Variants in NCKAP5 observed in about 807,000 individuals in gnomAD.
NCKAP5 encodes NCK associated protein 5, also known as nck-associated protein 5.
NCKAP5 carries 92 observed loss-of-function variants against 167.0 expected under a neutral mutation model. The observed-to-expected ratio is 0.55, with a 90% CI of 0.47 to 0.66. The LOEUF (loss-of-function observed/expected upper bound fraction) is 0.66. Ranked by LOEUF, NCKAP5 falls within the 30% of genes least tolerant of loss-of-function variation. NCKAP5 has a pLI of 0.00. For missense variants in NCKAP5, 2,378 were observed against 2,315.0 expected (o/e 1.03, Z -0.56); for synonymous variants, 891 against 877.4 (o/e 1.02, Z -0.27).
intron 10 of NCKAP5, among the ~76,000 whole-genome samples, chr2:132,866,769 G>C (rs1321335900): frequency 6.6e-6 from 1 of 152,142 alleles, no homozygotes; most frequent in Non-Finnish European, 1.5e-5. Flanking sequence ...TGGTGACTTA[G>C]ATAAATCGCT....
intron 6 of NCKAP5, among the ~76,000 whole-genome samples, chr2:133,038,340 C>G (rs1303903719): frequency 6.6e-6 from 1 of 152,088 alleles, no homozygotes; most frequent in Non-Finnish European, 1.5e-5. Flanking sequence ...AACTGGAGAT[C>G]ATTATATTAG....
At chr2:133,235,389 GTATTGAT>G (rs2087353637) in intron 4 of NCKAP5, among the ~76,000 whole-genome samples, 1 of 152,208 alleles carries the variant, frequency 6.6e-6, no homozygotes, top group South Asian at 2.1e-4. Flanking sequence ...GTTGGTGACT[GTATTGAT>G]TAAAATGGCC....
chr2:133,098,648 A>C (rs1455864019), intron 6 of NCKAP5, among the ~76,000 whole-genome samples: 1 of 152,226 alleles, frequency 6.6e-6, no homozygotes, highest in Non-Finnish European at 1.5e-5. Context: ...TGTAACTAAT[A>C]GCAGATGATG....
At chr2:132,726,109 T>G (rs1690436442) in intron 18 of NCKAP5, among the ~76,000 whole-genome samples, 1 of 152,248 alleles carries the variant, frequency 6.6e-6, no homozygotes, top group Admixed American at 6.5e-5. Context: ...AAGTGCCTAT[T>G]ATGAGCTGCT....
the NCKAP5 span, among the ~76,000 whole-genome samples, chr2:133,656,202 T>C: frequency 6.6e-6 from 1 of 151,944 alleles, no homozygotes; most frequent in Non-Finnish European, 1.5e-5. Context: ...ACCACCAAGC[T>C]ATTTGACCTT....
intron 12 of NCKAP5, among the ~76,000 whole-genome samples, chr2:132,790,602 TCGAACTACC>T (rs1335929726): frequency 2.6e-5 from 4 of 152,312 alleles, no homozygotes; most frequent in Admixed American, 2.6e-4. Flanking sequence ...AAAAATCCTG[TCGAACTACC>T]CTAAGCTGCA....
At chr2:133,278,510 G>T (rs2089819899) in intron 4 of NCKAP5, among the ~76,000 whole-genome samples, 1 of 152,010 alleles carries the variant, frequency 6.6e-6, no homozygotes, top group Admixed American at 6.6e-5. Context: ...GATTACACTG[G>T]ACCCACCTGA....
At chr2:132,863,264 A>G (rs1690076105) in intron 10 of NCKAP5, among the ~76,000 whole-genome samples, 1 of 152,158 alleles carries the variant, frequency 6.6e-6, no homozygotes, top group Non-Finnish European at 1.5e-5. Context: ...CTTGACTGTG[A>G]GGCAGATAAA....
intron 3 of NCKAP5, among the ~76,000 whole-genome samples, chr2:133,325,759 C>T (rs1682392204): frequency 6.6e-6 from 1 of 152,162 alleles, no homozygotes; most frequent in Non-Finnish European, 1.5e-5. Context: ...CAATGATGGG[C>T]ACTGGACCTA....
chr2:133,490,266 C>T (rs1681322448), intron 3 of NCKAP5, among the ~76,000 whole-genome samples: 1 of 152,128 alleles, frequency 6.6e-6, no homozygotes, highest in Non-Finnish European at 1.5e-5. Flanking sequence ...CCCAGCCAGG[C>T]CAAGTGTGGT....
chr2:132,905,464 C>T (rs992845988), intron 8 of NCKAP5, among the ~76,000 whole-genome samples: 1 of 152,086 alleles, frequency 6.6e-6, no homozygotes, highest in East Asian at 1.9e-4. Context: ...ACTATAGAAC[C>T]ATTTCAAATT....
chr2:133,181,560 G>A (rs1043302786), intron 5 of NCKAP5, among the ~76,000 whole-genome samples: 1 of 145,156 alleles, frequency 6.9e-6, no homozygotes, highest in African/African-American at 2.6e-5. Context: ...TGAGCCCAGG[G>A]GTTCAGGGCC....
chr2:133,416,698 C>T (rs1689130424), intron 3 of NCKAP5, among the ~76,000 whole-genome samples: 1 of 152,052 alleles, frequency 6.6e-6, no homozygotes, highest in South Asian at 2.1e-4. Context: ...CTGAAATAGC[C>T]ACCACCTGTG....
chr2:133,235,868 C>G (rs2087385529), intron 4 of NCKAP5, among the ~76,000 whole-genome samples: 1 of 149,744 alleles, frequency 6.7e-6, no homozygotes, highest in Admixed American at 6.7e-5. Context: ...TGTGCCATCG[C>G]ACTCCAGCCT....
chr2:133,241,937 G>C (rs985562153), intron 4 of NCKAP5, among the ~76,000 whole-genome samples: 94 of 152,126 alleles, frequency 6.2e-4, no homozygotes, highest in Non-Finnish European at 1.2e-3. Flanking sequence ...GGCCAACATG[G>C]TAAAACTCCA....
chr2:133,496,544 T>C lies in NCKAP5; in HGVS notation c.69+20914A>G, dbSNP rs145990629. Among the ~76,000 whole-genome samples the C allele has an allele frequency of 7.4e-3, 1,130 of 152,322 alleles. 10 individuals are homozygous for C. Among genetic ancestry groups the C allele is most frequent in the African/African-American group, 0.026 (1,082 of 41,564 alleles). On this transcript the variant is annotated intron_variant, in intron 3 of 19. Coordinates refer to ENST00000409261, the MANE Select transcript of NCKAP5 (RefSeq NM_207363.3). Reference sequence around the variant, plus strand: ...CTACTACAAAAATGCTTTTGGAGCTTTGTGGCAACTTCACATTGACTAGAA... The same window carrying C: ...CTACTACAAAAATGCTTTTGGAGCTCTGTGGCAACTTCACATTGACTAGAA...
At chr2:133,221,623 A>T (rs1014266776) in intron 4 of NCKAP5, among the ~76,000 whole-genome samples, 5 of 152,230 alleles carry the variant, frequency 3.3e-5, no homozygotes, top group Admixed American at 6.5e-5. Flanking sequence ...GTGTCATAAG[A>T]CGCAGTAAGT....
In NCKAP5 at chr2:132,936,156, G is replaced by GT. The variant is rs369628676; in HGVS notation, c.579+27563dup. On this transcript the variant is annotated intron_variant, in intron 8 of 19. Transcript: ENST00000409261. ...GCCACCATGCCCGGCTAATTTTTGT[G>GT]TTTTTAGCAGAGATGGGGTTTCACC... Among the ~76,000 whole-genome samples the GT allele has an allele frequency of 4.2e-3, 643 of 151,774 alleles. 5 individuals are homozygous for GT. Among genetic ancestry groups the GT allele is most frequent in the African/African-American group, 0.015 (622 of 41,418 alleles).
At chr2:132,853,670 A>G (rs1689248003) in intron 11 of NCKAP5, among the ~76,000 whole-genome samples, 1 of 152,220 alleles carries the variant, frequency 6.6e-6, no homozygotes, top group Non-Finnish European at 1.5e-5. Context: ...ATGAAACAAT[A>G]TGGAAACATC....
Sources: gnomAD v4.1 joint callset for allele counts (sites outside exome capture counted in the v4.1 genomes callset) on GRCh38, gnomAD v4.1.1 for gene constraint, MANE v1.5 for transcripts, NCBI Gene and HGNC (gene_info 2026-07-23, HGNC 2026-07-21) for gene names.